The following PRDM10 variants were observed in gnomAD, a reference collection of about 807,000 sequenced individuals.
PRDM10 encodes the protein PR/SET domain 10.
PRDM10 carries 65 observed loss-of-function variants against 133.1 expected under a neutral mutation model. The ratio of observed to expected loss-of-function variants is 0.49; its 90% CI spans 0.40 to 0.60. The LOEUF is 0.60. PRDM10 is among the 20% of genes least tolerant of loss of function. The pLI is 0.00. For synonymous variants in PRDM10, 582 were observed against 580.4 expected, an observed-to-expected ratio of 1.00 and a Z score of -0.04; for missense variants, 1,137 against 1,507.1, an observed-to-expected ratio of 0.75 and a Z score of 4.07.
intron 1 of PRDM10, among the ~76,000 whole-genome samples, chr11:129,961,905 C>T (rs868184509): frequency 6.6e-6 from 1 of 152,022 alleles, no homozygotes; most frequent in Non-Finnish European, 1.5e-5. Flanking sequence ...AATTAGTTGT[C>T]GTGAGGAGAA....
chr11:129,970,862 T>C (rs1952006104), intron 1 of PRDM10, among the ~76,000 whole-genome samples: 1 of 152,052 alleles, frequency 6.6e-6, no homozygotes, highest in African/African-American at 2.4e-5. Context: ...CTTTTTTAAG[T>C]GTTAAATGAA....
chr11:129,959,416 G>A (rs901243746), intron 2 of PRDM10, among the ~76,000 whole-genome samples: 1 of 152,144 alleles, frequency 6.6e-6, no homozygotes, highest in Non-Finnish European at 1.5e-5. Flanking sequence ...CTTAAGAAGG[G>A]AAAACATGTT....
chr11:129,908,488 TTAGAGG>T (rs1950082571), intron 19 of PRDM10, among the ~76,000 whole-genome samples: 1 of 152,094 alleles, frequency 6.6e-6, no homozygotes, highest in South Asian at 2.1e-4. Flanking sequence ...TCTTTTTCTT[TTAGAGG>T]TAGGTACCAA....
chr11:129,961,232 TAATAG>T, intron 1 of PRDM10, 150 bp from the exon 2 acceptor site: 2 of 496,820 alleles, frequency 4.0e-6, no homozygotes, highest in Non-Finnish European at 3.5e-6. Context: ...TTATTTGTAA[TAATAG>T]TATAGGCCAG....
chr11:129,935,055 G>T, intron 9 of PRDM10, 46 bp downstream of exon 9: 1 of 1,490,306 alleles, frequency 6.7e-7, no homozygotes, highest in Non-Finnish European at 9.4e-7. Context: ...AAATGATTCT[G>T]AACCTTTATG....
At chr11:129,926,351 C>T (rs1315149273) in intron 11 of PRDM10, among the ~76,000 whole-genome samples, 4 of 152,158 alleles carry the variant, frequency 2.6e-5, no homozygotes, top group Admixed American at 6.5e-5. Flanking sequence ...AAGACTCATT[C>T]ATCCGTTCCT....
rs947374060 is a variant in PRDM10 at position 129,912,232 on chromosome 11, G to A, written c.2842-7C>T. The A allele has an allele frequency of 1.9e-6, 3 of 1,542,740 alleles. No individual in the cohort carries two copies. Among genetic ancestry groups the A allele is most frequent in the Non-Finnish European group, 2.6e-6 (3 of 1,139,238 alleles). ...ACTGGTGAGGGGAAGTGGCCTGGAA[G>A]GAGAAAAAACAGGCCCAGAAACCAG... On this transcript the variant is annotated splice_polypyrimidine_tract_variant and splice_region_variant and intron_variant, in intron 17 of 20. Transcript: ENST00000360871.
intron 4 of PRDM10, among the ~76,000 whole-genome samples, chr11:129,954,071 T>C (rs1429153546): frequency 1.3e-5 from 2 of 150,544 alleles, no homozygotes; most frequent in African/African-American, 4.8e-5. Flanking sequence ...TACATTGCCG[T>C]TCACTGCCAG....
At chr11:129,963,686 CT>C (rs1328476677) in intron 1 of PRDM10, among the ~76,000 whole-genome samples, 1 of 152,076 alleles carries the variant, frequency 6.6e-6, no homozygotes, top group African/African-American at 2.4e-5. Flanking sequence ...CACAATGCCC[CT>C]TTCCCCCTAA....
At chr11:129,972,503 T>C (rs1952054440) in intron 1 of PRDM10, among the ~76,000 whole-genome samples, 1 of 152,262 alleles carries the variant, frequency 6.6e-6, no homozygotes, top group Non-Finnish European at 1.5e-5. Flanking sequence ...TGTCCAGCTC[T>C]AGAACACTAG....
chr11:129,970,834 C>T (rs76618782), intron 1 of PRDM10, among the ~76,000 whole-genome samples: 10 of 152,252 alleles, frequency 6.6e-5, no homozygotes, highest in Admixed American at 1.3e-4. Context: ...GCATGAATCA[C>T]GGCACCCGAC....
intron 5 of PRDM10, among the ~76,000 whole-genome samples, chr11:129,946,142 C>T (rs1030808780): frequency 3.3e-5 from 5 of 151,838 alleles, no homozygotes; most frequent in African/African-American, 7.3e-5. Context: ...TACTCTACTC[C>T]GGAGGCTGAG....
intron 1 of PRDM10, among the ~76,000 whole-genome samples, chr11:129,983,297 CCTT>C (rs1198227188): frequency 7.2e-6 from 1 of 139,254 alleles, no homozygotes; most frequent in Non-Finnish European, 1.5e-5. Flanking sequence ...TTTTATTTCT[CCTT>C]TTTTTTTTTT....
At chr11:129,962,367 G>A (rs893350987) in intron 1 of PRDM10, among the ~76,000 whole-genome samples, 4 of 152,206 alleles carry the variant, frequency 2.6e-5, no homozygotes, top group Admixed American at 6.5e-5. Flanking sequence ...CCCAACTCTG[G>A]AAAAGAGAGG....
At position 129,942,478 on chromosome 11, in the gene PRDM10, T is replaced by C; in HGVS notation, c.914A>G (p.His305Arg). ...TTTTATGGTTGTATAATACACATGGTGGCCATACTGGTAAGCCACCAGGTT... is the reference window on the plus strand; with the variant it reads ...TTTTATGGTTGTATAATACACATGGCGGCCATACTGGTAAGCCACCAGGTT... ...EQNLVAYQYG[H>R]HVYYTTIKNV... Residue 305 changes from histidine to arginine, a missense_variant, in exon 7 of 21, where the codon CAC becomes CGC. By Grantham distance (29) the His-to-Arg change is conservative. This residue lies in a region of PRDM10 where 635 missense variants were observed against 835.2 expected (regional missense o/e 0.76). Coordinates refer to ENST00000360871, the MANE Select transcript of PRDM10 (RefSeq NM_199437.2). 6.2e-7 allele frequency: 1 copy of C among 1,614,174 alleles called. No individual in the cohort carries two copies. Among genetic ancestry groups the C allele is most frequent in the Non-Finnish European group, 8.5e-7 (1 of 1,180,036 alleles).
rs1446704254 is a variant in PRDM10, at chr11:129,947,283, C to T, written c.382G>A (p.Gly128Ser). The T allele has an allele frequency of 1.2e-5, 20 of 1,614,028 alleles. No homozygotes were observed. The highest frequency in any genetic ancestry group is 1.5e-5 in the Non-Finnish European group (18 of 1,180,032). Residue 128 changes from glycine (G) to serine (S), a missense_variant, in exon 5 of 21, where the codon GGC becomes AGC. This residue lies in a region of PRDM10 where 635 missense variants were observed against 835.2 expected (regional missense o/e 0.76). Coordinates refer to ENST00000360871, the MANE Select transcript of PRDM10 (RefSeq NM_199437.2). The surrounding 1 kb of genome is among the most constrained non-coding windows in gnomAD (Gnocchi z 4.6). ...TCTTCCTCTTTGGCCTCCAGTCTGC[C>T]TAGAGGGGTCTGCAGAGTTGCCAAA... is the stretch of plus-strand genomic sequence containing the variant. ...DPLATLQTPL[G>S]RLEAKEEEDE...
chr11:129,943,507 A>G (rs1951282194), intron 6 of PRDM10, among the ~76,000 whole-genome samples: 1 of 152,172 alleles, frequency 6.6e-6, no homozygotes, highest in Non-Finnish European at 1.5e-5. Context: ...TAAAGGGGTA[A>G]TTAAGTTAAA....
At position 129,902,281 on chromosome 11, in the gene PRDM10, G is replaced by A. The variant is rs1337261504; in HGVS notation, c.*32C>T. 3 of 1,607,574 alleles carry A rather than the reference G, an allele frequency of 1.9e-6. No individual in the cohort carries two copies. Among genetic ancestry groups the A allele is most frequent in the Admixed American group, 1.7e-5 (1 of 59,886 alleles). ...TCAGACTTATGAGAACAGACATGAG[G>A]TGGGTGCTGGATTCAAGCTCCAGGG... On this transcript the variant is annotated 3_prime_UTR_variant, in exon 21 of 21. Coordinates refer to ENST00000360871, the MANE Select transcript of PRDM10 (RefSeq NM_199437.2).
intron 2 of PRDM10, 81 bp downstream of exon 2, chr11:129,960,815 G>A (rs1951782096): frequency 1.4e-6 from 2 of 1,408,218 alleles, no homozygotes; most frequent in East Asian, 4.6e-5. Context: ...CTACTAGATA[G>A]CAGCTGTATT....
Sources: allele counts gnomAD v4.1 joint callset (sites outside exome capture counted in the v4.1 genomes callset), GRCh38; gene constraint gnomAD v4.1.1; regional missense constraint gnomAD v4.1.1; non-coding constraint Gnocchi (gnomAD v3.1); transcripts MANE v1.5; gene names NCBI Gene and HGNC (gene_info 2026-07-23, HGNC 2026-07-21).